The following CMSS1 variants were observed in gnomAD, a reference collection of about 807,000 sequenced individuals.
CMSS1 encodes protein CMSS1.
In CMSS1, 33 loss-of-function variants were observed where a neutral mutation model predicts 43.5. The observed-to-expected ratio is 0.76, with a 90% CI of 0.57 to 1.01. The LOEUF is 1.01. Among genes scored for constraint, CMSS1 ranks in the 50% least tolerant of loss-of-function variants. CMSS1 has a pLI of 0.00. For missense variants in CMSS1, 313 were observed against 326.4 expected (o/e 0.96, Z 0.32); for synonymous variants, 115 against 117.2 (o/e 0.98, Z 0.12).
chr3:99,909,703 A>G (rs962373868), intron 1 of CMSS1, among the ~76,000 whole-genome samples: 1 of 152,176 alleles, frequency 6.6e-6, no homozygotes, highest in Non-Finnish European at 1.5e-5. Context: ...TCACACTGCT[A>G]ATTTTATTTA....
chr3:100,097,259 A>G (rs2107449094), intron 1 of CMSS1, among the ~76,000 whole-genome samples: 1 of 152,338 alleles, frequency 6.6e-6, no homozygotes, highest in South Asian at 2.1e-4. Flanking sequence ...CCATCCGTGG[A>G]AAAATTGTCT....
intron 1 of CMSS1, among the ~76,000 whole-genome samples, chr3:99,923,653 C>T (rs180684020): frequency 3.3e-5 from 5 of 152,176 alleles, no homozygotes; most frequent in Admixed American, 6.5e-5. Flanking sequence ...GAGTTTCCTG[C>T]GCCCAGTCTA....
intron 1 of CMSS1, among the ~76,000 whole-genome samples, chr3:99,986,612 A>G (rs887125456): frequency 8.5e-5 from 13 of 152,168 alleles, no homozygotes; most frequent in Non-Finnish European, 1.6e-4. Context: ...CCAACTGCAC[A>G]TGGAGAGAAG....
At chr3:99,865,931 A>T (rs548534718) in intron 1 of CMSS1, among the ~76,000 whole-genome samples, 1 of 152,160 alleles carries the variant, frequency 6.6e-6, no homozygotes, top group Non-Finnish European at 1.5e-5. Context: ...TAGCTGTTAA[A>T]TTTTGTTTTT....
intron 1 of CMSS1, among the ~76,000 whole-genome samples, chr3:99,940,852 A>G (rs1707829770): frequency 6.6e-6 from 1 of 152,228 alleles, no homozygotes; most frequent in Admixed American, 6.5e-5. Flanking sequence ...AAGAGTTTCC[A>G]TCTTTACATT....
intron 1 of CMSS1, among the ~76,000 whole-genome samples, chr3:100,096,825 C>A (rs186876640): frequency 6.6e-6 from 1 of 152,248 alleles, no homozygotes; most frequent in African/African-American, 2.4e-5. Flanking sequence ...CCTTATTTCC[C>A]ATGATGTGAT....
rs1705697558 is a variant in CMSS1 at position 99,880,716 on chromosome 3, C to T, written c.64+62673C>T. Reference sequence around the variant, plus strand: ...TTTTTTTTATTTTAAAATTAATAGGCACCCTTCATAATTTGGAAAATGCAT... The same window carrying T: ...TTTTTTTTATTTTAAAATTAATAGGTACCCTTCATAATTTGGAAAATGCAT... On this transcript the variant is annotated intron_variant, in intron 1 of 9. Coordinates refer to ENST00000421999, the MANE Select transcript of CMSS1 (RefSeq NM_032359.4). 2.6e-5 allele frequency among the ~76,000 whole-genome samples: 4 copies of T among 151,936 alleles called. No homozygotes were observed. The South Asian group carries it at 8.3e-4, about 32-fold the overall frequency.
At chr3:99,964,559 T>C (rs1409976806) in intron 1 of CMSS1, among the ~76,000 whole-genome samples, 1 of 151,948 alleles carries the variant, frequency 6.6e-6, no homozygotes, top group Non-Finnish European at 1.5e-5. Flanking sequence ...CTCTGTTCTT[T>C]GCACCATATC....
At chr3:100,021,273 T>G (rs1189072016) in intron 1 of CMSS1, among the ~76,000 whole-genome samples, 2 of 152,208 alleles carry the variant, frequency 1.3e-5, no homozygotes, top group Non-Finnish European at 2.9e-5. Flanking sequence ...TCCTTATATA[T>G]AATAAGTTCA....
At chr3:99,956,771 G>T (rs547736812) in intron 1 of CMSS1, among the ~76,000 whole-genome samples, 6 of 151,970 alleles carry the variant, frequency 3.9e-5, no homozygotes, top group South Asian at 2.1e-4. Flanking sequence ...TTTATAACAC[G>T]CCCAGTGGTC....
intron 1 of CMSS1, among the ~76,000 whole-genome samples, chr3:99,923,383 CA>C (rs1332317404): frequency 6.6e-6 from 1 of 152,176 alleles, no homozygotes; most frequent in Non-Finnish European, 1.5e-5. Context: ...ACCTACTCAC[CA>C]AGTAGAAACC....
chr3:99,923,574 C>G (rs184103920), intron 1 of CMSS1, among the ~76,000 whole-genome samples: 50 of 152,280 alleles, frequency 3.3e-4, no homozygotes, highest in African/African-American at 1.2e-3. Context: ...GCGCACACCC[C>G]CCTCCCAACC....
At chr3:99,999,907 A>C (rs1441768882) in intron 1 of CMSS1, among the ~76,000 whole-genome samples, 1 of 152,150 alleles carries the variant, frequency 6.6e-6, no homozygotes, top group Admixed American at 6.5e-5. Flanking sequence ...AATTCCCTCC[A>C]TATTGGACTA....
At chr3:100,129,157 C>T (rs2066686340) in intron 1 of CMSS1, among the ~76,000 whole-genome samples, 1 of 152,182 alleles carries the variant, frequency 6.6e-6, no homozygotes, top group Non-Finnish European at 1.5e-5. Flanking sequence ...ATTTTAATTG[C>T]TTATACACAT....
At position 99,929,786 on chromosome 3, in the gene CMSS1, C is replaced by T. The variant is rs1707417163; in HGVS notation, c.64+111743C>T. The T allele has an allele frequency of 6.1e-6, 7 of 1,145,010 alleles. No homozygotes were observed. In the South Asian group the frequency reaches 1.2e-4, roughly 20 times the overall value. The allele number at this position is 1,145,010 out of a possible 1,614,324, so 70.9% of individuals were successfully genotyped here. ...ACTGTAAGGAATCAAAGAGGAGTTA[C>T]AGATCATGCTCATCTGCAGGGCTAG... On this transcript the variant is annotated intron_variant, in intron 1 of 9. Coordinates refer to ENST00000421999, the MANE Select transcript of CMSS1 (RefSeq NM_032359.4).
In CMSS1 at chr3:100,148,523, G is replaced by C. The variant is rs192411711; in HGVS notation, c.153+1462G>C. Among the ~76,000 whole-genome samples the C allele has an allele frequency of 1.2e-3, 186 of 152,260 alleles. 2 individuals are homozygous for C. Among genetic ancestry groups the C allele is most frequent in the South Asian group, 3.9e-3 (19 of 4,818 alleles). The stretch of plus-strand genomic sequence containing the variant: ...TATTCTACCCAAAGTTTGTGACCCA[G>C]CTCAGGATAACTGTGAGAAGCAATT... On this transcript the variant is annotated intron_variant, in intron 2 of 9. Coordinates refer to ENST00000421999, the MANE Select transcript of CMSS1 (RefSeq NM_032359.4).
At chr3:99,991,010 A>G (rs914329505) in intron 1 of CMSS1, among the ~76,000 whole-genome samples, 22 of 152,198 alleles carry the variant, frequency 1.4e-4, no homozygotes, top group African/African-American at 5.3e-4. Flanking sequence ...CTCCAGAAAT[A>G]TCCACAAATG....
chr3:99,901,426 C>G (rs904571993), intron 1 of CMSS1, among the ~76,000 whole-genome samples: 1 of 152,142 alleles, frequency 6.6e-6, no homozygotes, highest in Non-Finnish European at 1.5e-5. Flanking sequence ...AAACAATGCA[C>G]TTTTGTAATT....
chr3:99,998,738 T>G (rs1267451476), intron 1 of CMSS1, among the ~76,000 whole-genome samples: 1 of 152,130 alleles, frequency 6.6e-6, no homozygotes, highest in East Asian at 1.9e-4. Context: ...CAATTTTTTG[T>G]TTTTGTATTT....
Sources: allele counts gnomAD v4.1 joint callset (sites outside exome capture counted in the v4.1 genomes callset), GRCh38; gene constraint gnomAD v4.1.1; transcripts MANE v1.5; gene names NCBI Gene and HGNC (gene_info 2026-07-23, HGNC 2026-07-21).